Variants in ADCY2 observed in about 807,000 individuals in gnomAD.
ADCY2 encodes the protein adenylate cyclase 2, also known as adenylate cyclase type 2.
ADCY2 carries 31 observed loss-of-function variants against 125.2 expected under a neutral mutation model. The observed-to-expected ratio is 0.25, with a 90% CI of 0.19 to 0.33. The LOEUF is 0.33. Ranked by LOEUF, ADCY2 falls within the 10% of genes least tolerant of loss-of-function variation. ADCY2 has a pLI of 1.00. For synonymous variants in ADCY2, 512 were observed against 548.4 expected (o/e 0.93, Z 0.93); for missense variants, 904 against 1,418.2 (o/e 0.64, Z 5.82).
intron 4 of ADCY2, among the ~76,000 whole-genome samples, chr5:7,670,318 C>T (rs898158177): frequency 2.0e-5 from 3 of 152,100 alleles, no homozygotes; most frequent in Non-Finnish European, 2.9e-5. Flanking sequence ...ACTGTGATAG[C>T]CCGAGCCGAT....
At chr5:7,711,038 T>C (rs1270760627) in intron 10 of ADCY2, among the ~76,000 whole-genome samples, 1 of 152,152 alleles carries the variant, frequency 6.6e-6, no homozygotes, top group Non-Finnish European at 1.5e-5. Context: ...AATTAAGACT[T>C]TTCTGCTGGA....
intron 2 of ADCY2, among the ~76,000 whole-genome samples, chr5:7,448,343 G>C (rs778800243): frequency 6.6e-6 from 1 of 152,108 alleles, no homozygotes; most frequent in Non-Finnish European, 1.5e-5. Flanking sequence ...CTTTTCCCTC[G>C]TGCTCAGAGT....
chr5:7,651,177 G>A (rs1739075485), intron 4 of ADCY2, among the ~76,000 whole-genome samples: 1 of 152,110 alleles, frequency 6.6e-6, no homozygotes, highest in Non-Finnish European at 1.5e-5. Flanking sequence ...AAAGATAGAG[G>A]AAACAATACA....
chr5:7,452,328 GTATGT>G (rs1168429220), intron 2 of ADCY2, among the ~76,000 whole-genome samples: 1 of 152,124 alleles, frequency 6.6e-6, no homozygotes, highest in African/African-American at 2.4e-5. Flanking sequence ...AGCTTCCACT[GTATGT>G]TATAAGTGAG....
At chr5:7,533,017 A>T (rs1734699736) in intron 3 of ADCY2, among the ~76,000 whole-genome samples, 1 of 149,692 alleles carries the variant, frequency 6.7e-6, no homozygotes, top group Admixed American at 6.7e-5. Flanking sequence ...ATATGTATAC[A>T]TATATATGTA....
In ADCY2 at chr5:7,397,043, C is replaced by T. The variant is rs557960370; in HGVS notation, c.210+537C>T. On this transcript the variant is annotated intron_variant, in intron 1 of 24. Transcript: ENST00000338316. ...AGAAAAATTAAGTATACATCTTTGC[C>T]TTTAAATCTGTATGCATTTAGCTCT... Among the ~76,000 whole-genome samples the T allele has an allele frequency of 2.6e-5, 4 of 152,326 alleles. No homozygotes were observed. In the East Asian group the frequency reaches 7.7e-4, roughly 29 times the overall value.
chr5:7,804,797 G>C, intron 22 of ADCY2, 105 bp downstream of exon 22: 1 of 805,218 alleles, frequency 1.2e-6, no homozygotes, highest in Admixed American at 2.1e-5. Context: ...TGTATATTTT[G>C]TACAACCTAA....
At chr5:7,627,330 G>A (rs1458085730) in intron 4 of ADCY2, among the ~76,000 whole-genome samples, 1 of 152,172 alleles carries the variant, frequency 6.6e-6, no homozygotes, top group African/African-American at 2.4e-5. Flanking sequence ...GGAGATGTGT[G>A]GGGACCAAGA....
intron 22 of ADCY2, among the ~76,000 whole-genome samples, chr5:7,808,536 T>G (rs1429738441): frequency 6.6e-6 from 1 of 152,204 alleles, no homozygotes; most frequent in Non-Finnish European, 1.5e-5. Context: ...CTTTGCCCAT[T>G]TTAAAGATGG....
chr5:7,829,934 G>C lies in ADCY2; in HGVS notation c.*3063G>C, dbSNP rs1006472547. On this transcript the variant is annotated 3_prime_UTR_variant, in exon 25 of 25. Coordinates refer to ENST00000338316, the MANE Select transcript of ADCY2 (RefSeq NM_020546.3). Reference sequence around the variant, plus strand: ...TCTCTGCAAAAAAATAAGAAAATTAGCTTGGCATGGTGGCACGTGCCTGTA... The same window carrying C: ...TCTCTGCAAAAAAATAAGAAAATTACCTTGGCATGGTGGCACGTGCCTGTA... The C allele has an allele frequency of 6.6e-6, 1 of 152,192 alleles. No homozygotes were observed. Among genetic ancestry groups the C allele is most frequent in the Admixed American group, 6.5e-5 (1 of 15,278 alleles). The allele number at this position is 152,192 out of a possible 1,614,324, so 9.4% of individuals were successfully genotyped here. A position where few individuals can be genotyped will look rare whatever the true frequency, so the allele number is the denominator to read the frequency against.
At chr5:7,506,494 C>T (rs1743818250) in intron 2 of ADCY2, among the ~76,000 whole-genome samples, 1 of 152,044 alleles carries the variant, frequency 6.6e-6, no homozygotes, top group Non-Finnish European at 1.5e-5. Flanking sequence ...AAAATGAAGG[C>T]CATGGTTACC....
At chr5:7,480,218 A>G (rs145491629) in intron 2 of ADCY2, among the ~76,000 whole-genome samples, 2 of 152,296 alleles carry the variant, frequency 1.3e-5, no homozygotes, top group Non-Finnish European at 2.9e-5. Flanking sequence ...TTCCTCAGAG[A>G]CCTAAAGACA....
Position 7,755,170 on chromosome 5 carries a change from A to C in ADCY2, c.1957-2279A>C, listed in dbSNP as rs538847260. Reference sequence around the variant, plus strand: ...TGTTGCCGGTGATCAGATGTCCTGCAGAGCTGGGCCGAGGGCGCCCCCTGC... The same window carrying C: ...TGTTGCCGGTGATCAGATGTCCTGCCGAGCTGGGCCGAGGGCGCCCCCTGC... On this transcript the variant is annotated intron_variant, in intron 15 of 24. Transcript: ENST00000338316. 5.3e-5 allele frequency among the ~76,000 whole-genome samples: 8 copies of C among 152,328 alleles called. No homozygotes were observed. In the South Asian group the frequency reaches 1.7e-3, roughly 32 times the overall value.
chr5:7,793,044 C>T (rs187501620), intron 20 of ADCY2, among the ~76,000 whole-genome samples: 319 of 152,324 alleles, frequency 2.1e-3, no homozygotes, highest in African/African-American at 7.5e-3. Flanking sequence ...TCCCCTGTGG[C>T]CCTGCTGTGT....
intron 20 of ADCY2, chr5:7,798,581 T>G (rs993153128): frequency 2.6e-5 from 2 of 77,734 alleles, no homozygotes; most frequent in African/African-American, 8.9e-5. Context: ...TTCTTTTTTT[T>G]TTCTTTTTTT....
At chr5:7,419,708 G>A (rs1740118221) in intron 2 of ADCY2, among the ~76,000 whole-genome samples, 1 of 152,114 alleles carries the variant, frequency 6.6e-6, no homozygotes, top group Non-Finnish European at 1.5e-5. Flanking sequence ...GACATTCCAA[G>A]GGCCTAGGTC....
chr5:7,695,486 T>A (rs1304589567), intron 5 of ADCY2, among the ~76,000 whole-genome samples: 1 of 152,220 alleles, frequency 6.6e-6, no homozygotes, highest in African/African-American at 2.4e-5. Context: ...TTTTCCAGTT[T>A]CTTCTTTGAC....
chr5:7,497,575 A>G (rs937534177), intron 2 of ADCY2, among the ~76,000 whole-genome samples: 2 of 152,174 alleles, frequency 1.3e-5, no homozygotes. Flanking sequence ...AGAGCAAATG[A>G]AAGCATCCAA....
intron 23 of ADCY2, among the ~76,000 whole-genome samples, chr5:7,817,216 C>T (rs1196285714): frequency 1.3e-5 from 2 of 152,050 alleles, no homozygotes; most frequent in Non-Finnish European, 2.9e-5. Context: ...AAACACGGCA[C>T]GCACAGCCTT....
Sources: gnomAD v4.1 joint callset for allele counts (sites outside exome capture counted in the v4.1 genomes callset) on GRCh38, gnomAD v4.1.1 for gene constraint, MANE v1.5 for transcripts, NCBI Gene and HGNC (gene_info 2026-07-23, HGNC 2026-07-21) for gene names.